RTN4IP1: variants seen among roughly 807,000 people sequenced by gnomAD.
RTN4IP1 encodes NAD(P)H oxidoreductase RTN4IP1, mitochondrial.
In RTN4IP1, 32 loss-of-function variants were observed where a neutral mutation model predicts 46.6. The observed-to-expected ratio is 0.69, with a 90% CI of 0.52 to 0.92. The LOEUF (loss-of-function observed/expected upper bound fraction) is 0.92, where lower values mean the gene tolerates loss of function less well. Among genes scored for constraint, RTN4IP1 ranks in the 40% least tolerant of loss-of-function variants. The probability of loss-of-function intolerance (pLI) is 0.00; values close to 1 mark genes in which losing one functional copy is unlikely to be tolerated. For missense variants in RTN4IP1, 424 were observed against 485.8 expected, an observed-to-expected ratio of 0.87 and a Z score of 1.20; for synonymous variants, 167 against 161.8, an observed-to-expected ratio of 1.03 and a Z score of -0.24.
upstream of RTN4IP1, chr6:106,629,729 GC>G: frequency 6.3e-7 from 1 of 1,597,730 alleles, no homozygotes; most frequent in Admixed American, 1.7e-5. Context: ...GCCCGCTGAG[GC>G]CCCCGGGAGG....
At position 106,628,817 on chromosome 6, in the gene RTN4IP1, GTATGA is replaced by G; in HGVS notation, c.200_204del (p.Ile67ThrfsTer5). ...TTGACAATGACTTCATTTGGATAGT[GTATGA>G]TAGGCATCATCATGTTCTGAGTGAA... On this transcript the variant is annotated frameshift_variant, in exon 1 of 9. Coordinates refer to ENST00000369063, the MANE Select transcript of RTN4IP1 (RefSeq NM_032730.5). LOFTEE classifies it high-confidence loss of function. The G allele has an allele frequency of 6.2e-7, 1 of 1,613,964 alleles. No homozygotes were observed. The highest frequency in any genetic ancestry group is 1.3e-5 in the African/African-American group (1 of 75,048).
intron 4 of RTN4IP1, among the ~76,000 whole-genome samples, chr6:106,618,153 A>G (rs1178970471): frequency 3.3e-5 from 5 of 152,236 alleles, no homozygotes; most frequent in African/African-American, 4.8e-5. Context: ...TTTCAAAAAT[A>G]CAGCTATTAA....
intron 8 of RTN4IP1, among the ~76,000 whole-genome samples, chr6:106,576,883 A>G (rs537266584): frequency 6.6e-6 from 1 of 152,290 alleles, no homozygotes; most frequent in Non-Finnish European, 1.5e-5. Flanking sequence ...AGTGTGACCA[A>G]CACATTTCTC....
At position 106,583,411 on chromosome 6, in the gene RTN4IP1, T is replaced by C. The variant is rs1291446154; in HGVS notation, c.1000A>G (p.Lys334Glu). The C allele has an allele frequency of 6.2e-7, 1 of 1,611,988 alleles. No homozygotes were observed. Among genetic ancestry groups the C allele is most frequent in the African/African-American group, 1.3e-5 (1 of 74,872 alleles). The change falls in exon 8 of 9, where the codon AAA becomes GAA. Residue 334 changes from lysine to glutamate, a missense_variant. Transcript: ENST00000369063. ...AATGCCCAGCGATAATGGACTCCTT[T>C]CCAGAAATGCTAAAAAGAAGAAAAC... Reference protein sequence around the residue: ...VGSKALKHFWKGVHYRWAFFM... With the variant: ...VGSKALKHFWEGVHYRWAFFM...
At chr6:106,581,275 C>T (rs1309688241) in intron 8 of RTN4IP1, among the ~76,000 whole-genome samples, 1 of 152,140 alleles carries the variant, frequency 6.6e-6, no homozygotes, top group Non-Finnish European at 1.5e-5. Context: ...TGTTTCACAG[C>T]TTTTCACGAT....
chr6:106,615,320 G>T (rs1361574450), intron 4 of RTN4IP1, among the ~76,000 whole-genome samples: 1 of 151,654 alleles, frequency 6.6e-6, no homozygotes, highest in Non-Finnish European at 1.5e-5. Flanking sequence ...TTTAACTCTG[G>T]GCCTAATTCT....
At chr6:106,590,714 C>CAAAAAAAAA (rs35293436) in intron 6 of RTN4IP1, among the ~76,000 whole-genome samples, 5 of 68,516 alleles carry the variant, frequency 7.3e-5, no homozygotes, top group African/African-American at 1.2e-4. Flanking sequence ...GAATCCATCT[C>CAAAAAAAAA]AAAAAAAAAA....
At chr6:106,611,709 A>C (rs1261330230) in intron 4 of RTN4IP1, among the ~76,000 whole-genome samples, 1 of 152,210 alleles carries the variant, frequency 6.6e-6, no homozygotes, top group African/African-American at 2.4e-5. Context: ...GCTACAAAAC[A>C]AATCAATCAA....
chr6:106,607,477 A>G (rs1200304251), intron 4 of RTN4IP1, among the ~76,000 whole-genome samples: 1 of 152,114 alleles, frequency 6.6e-6, no homozygotes, highest in Non-Finnish European at 1.5e-5. Flanking sequence ...TCTACAACCA[A>G]CAAGGGACTA....
upstream of RTN4IP1, chr6:106,629,841 A>T: frequency 9.4e-7 from 1 of 1,063,752 alleles, no homozygotes; most frequent in Non-Finnish European, 1.4e-6. Flanking sequence ...GGGGATAAGT[A>T]CCTTTCGATT....
chr6:106,573,934 G>C (rs185864649), intron 8 of RTN4IP1, among the ~76,000 whole-genome samples: 17 of 152,260 alleles, frequency 1.1e-4, no homozygotes, highest in African/African-American at 3.9e-4. Context: ...TGTGCTACAC[G>C]GGTGCCATCC....
intron 4 of RTN4IP1, among the ~76,000 whole-genome samples, chr6:106,603,524 G>A (rs1775994667): frequency 6.6e-6 from 1 of 152,148 alleles, no homozygotes; most frequent in Non-Finnish European, 1.5e-5. Flanking sequence ...CCAGGGTGCT[G>A]AGCCTGGATC....
chr6:106,611,126 A>G (rs1776213643), intron 4 of RTN4IP1, among the ~76,000 whole-genome samples: 2 of 152,084 alleles, frequency 1.3e-5, no homozygotes, highest in South Asian at 4.1e-4. Flanking sequence ...TCAAGTTTCT[A>G]TATTCTGACT....
At chr6:106,621,382 T>C in intron 3 of RTN4IP1, 43 bp downstream of exon 3, 1 of 1,400,062 alleles carries the variant, frequency 7.1e-7, no homozygotes, top group Admixed American at 1.7e-5. Flanking sequence ...TGCCAGTCTT[T>C]GTTTAAACTT....
intron 5 of RTN4IP1, among the ~76,000 whole-genome samples, chr6:106,601,444 G>A (rs984165753): frequency 6.6e-6 from 1 of 151,904 alleles, no homozygotes; most frequent in African/African-American, 2.4e-5. Context: ...TTGGTTGCTT[G>A]TGCTTTGGGT....
chr6:106,625,062 C>G (rs1279685192), intron 1 of RTN4IP1, among the ~76,000 whole-genome samples: 1 of 151,630 alleles, frequency 6.6e-6, no homozygotes, highest in Non-Finnish European at 1.5e-5. Flanking sequence ...CTATAATAAT[C>G]CAGAGTAATT....
At chr6:106,586,375 A>G (rs548194132) in intron 7 of RTN4IP1, among the ~76,000 whole-genome samples, 7 of 152,010 alleles carry the variant, frequency 4.6e-5, no homozygotes, top group Middle Eastern at 3.4e-3. Flanking sequence ...TTAAAAAAAT[A>G]GAATTTGTTT....
intron 4 of RTN4IP1, among the ~76,000 whole-genome samples, chr6:106,617,043 C>A (rs1776374121): frequency 6.6e-6 from 1 of 152,132 alleles, no homozygotes; most frequent in African/African-American, 2.4e-5. Context: ...ATATCCTCAC[C>A]CCTTCCAGAA....
intron 7 of RTN4IP1, 139 bp from the exon 8 acceptor site, chr6:106,583,559 C>A (rs772149132): frequency 7.8e-6 from 5 of 639,288 alleles, no homozygotes; most frequent in African/African-American, 1.8e-5. Flanking sequence ...GTGCACAGCA[C>A]CTTGGCACAA....
Sources: allele counts gnomAD v4.1 joint callset (sites outside exome capture counted in the v4.1 genomes callset), GRCh38; gene constraint gnomAD v4.1.1; transcripts MANE v1.5; gene names NCBI Gene and HGNC (gene_info 2026-07-23, HGNC 2026-07-21).